GRM1: variants seen among roughly 807,000 people sequenced by gnomAD.
The protein encoded by GRM1 is glutamate metabotropic receptor 1.
In GRM1, 33 loss-of-function variants were observed where a neutral mutation model predicts 90.9. The ratio of observed to expected loss-of-function variants is 0.36; its 90% CI spans 0.28 to 0.49. The LOEUF (loss-of-function observed/expected upper bound fraction) is 0.49. Ranked by LOEUF, GRM1 falls within the 20% of genes least tolerant of loss-of-function variation. GRM1 has a pLI of 0.99. For missense variants in GRM1, 1,190 were observed against 1,534.3 expected, an observed-to-expected ratio of 0.78 and a Z score of 3.75; for synonymous variants, 700 against 613.2, an observed-to-expected ratio of 1.14 and a Z score of -2.09.
At chr6:146,072,618 G>C (rs982341178) in intron 1 of GRM1, among the ~76,000 whole-genome samples, 1 of 152,082 alleles carries the variant, frequency 6.6e-6, no homozygotes, top group African/African-American at 2.4e-5. Flanking sequence ...AGGTCAAATG[G>C]CATATATAGC....
intron 1 of GRM1, among the ~76,000 whole-genome samples, chr6:146,143,125 A>T (rs1776951063): frequency 1.3e-5 from 2 of 152,050 alleles, no homozygotes; most frequent in Admixed American, 6.5e-5. Context: ...ATCCTCCAGG[A>T]CTGGGTCCTT....
At chr6:146,335,123 C>G (rs969376070) in intron 3 of GRM1, among the ~76,000 whole-genome samples, 5 of 152,150 alleles carry the variant, frequency 3.3e-5, no homozygotes, top group African/African-American at 4.8e-5. Flanking sequence ...AGAAACCCTT[C>G]CCGTTGACTG....
intron 1 of GRM1, among the ~76,000 whole-genome samples, chr6:146,051,928 G>A (rs1463331886): frequency 6.6e-6 from 1 of 152,024 alleles, no homozygotes; most frequent in East Asian, 1.9e-4. Flanking sequence ...GCAAAGGGTG[G>A]TGGAGGCTGA....
At chr6:146,406,376 C>G (rs1777347852) in intron 7 of GRM1, among the ~76,000 whole-genome samples, 1 of 152,074 alleles carries the variant, frequency 6.6e-6, no homozygotes, top group Non-Finnish European at 1.5e-5. Flanking sequence ...AAAATAAACC[C>G]CATCCTACTG....
chr6:146,278,816 A>C (rs1782465532), intron 2 of GRM1, among the ~76,000 whole-genome samples: 1 of 152,114 alleles, frequency 6.6e-6, no homozygotes, highest in Non-Finnish European at 1.5e-5. Context: ...TCTTCCTTAA[A>C]TATTTAATGG....
At chr6:146,287,547 G>T (rs1439745953) in intron 2 of GRM1, among the ~76,000 whole-genome samples, 1 of 152,110 alleles carries the variant, frequency 6.6e-6, no homozygotes, top group Admixed American at 6.6e-5. Context: ...GAGATTTTAT[G>T]TTGGCCTTTT....
At chr6:146,077,049 G>C (rs1356612089) in intron 1 of GRM1, among the ~76,000 whole-genome samples, 1 of 152,068 alleles carries the variant, frequency 6.6e-6, no homozygotes, top group African/African-American at 2.4e-5. Context: ...CTGATAGTAG[G>C]ATATTTCGTT....
intron 2 of GRM1, among the ~76,000 whole-genome samples, chr6:146,280,455 T>A (rs1161949077): frequency 1.3e-5 from 2 of 152,208 alleles, no homozygotes; most frequent in African/African-American, 2.4e-5. Flanking sequence ...AGTTTGCTAA[T>A]ATAACCTAGT....
intron 3 of GRM1, among the ~76,000 whole-genome samples, chr6:146,347,481 A>G (rs575734858): frequency 3.3e-5 from 5 of 152,352 alleles, no homozygotes; most frequent in Admixed American, 2.6e-4. Flanking sequence ...TAGAATTAAT[A>G]TGTACATTTA....
intron 2 of GRM1, among the ~76,000 whole-genome samples, chr6:146,288,765 C>G (rs763332120): frequency 3.3e-5 from 5 of 152,080 alleles, no homozygotes; most frequent in African/African-American, 4.8e-5. Context: ...CTCGGCCACC[C>G]AAAGTGCTGG....
At chr6:146,127,165 A>T (rs894549188) in intron 1 of GRM1, among the ~76,000 whole-genome samples, 4 of 152,160 alleles carry the variant, frequency 2.6e-5, no homozygotes, top group Non-Finnish European at 5.9e-5. Flanking sequence ...ACATTTTACA[A>T]ATTACATTAC....
chr6:146,340,447 C>G (rs774592386), intron 3 of GRM1: 7 of 152,304 alleles, frequency 4.6e-5, no homozygotes, highest in Non-Finnish European at 5.9e-5. Flanking sequence ...CCTGAATGCT[C>G]CCGATCTCGT....
In GRM1 at chr6:146,239,932, G is replaced by A. The variant is rs1011733787; in HGVS notation, c.951-64679G>A. Among the ~76,000 whole-genome samples, 3 of 152,044 alleles carry A rather than the reference G, an allele frequency of 2.0e-5. 1 individual carries two copies. Among genetic ancestry groups the A allele is most frequent in the Admixed American group, 2.0e-4 (3 of 15,250 alleles). ...GGCCGCAGAGGAGTGAGAACCACGA[G>A]GTCATGAGAAGAGCACAAGCTCTTG... On this transcript the variant is annotated intron_variant, in intron 2 of 7. Coordinates refer to ENST00000282753, the MANE Select transcript of GRM1 (RefSeq NM_001278064.2).
At position 146,155,231 on chromosome 6, in the gene GRM1, G is replaced by A. The variant is rs150177523; in HGVS notation, c.701-4117G>A. ...GGGAAACAGTGGGCCACCCATATAT[G>A]ATTGTGGTCCCACAATCATAATAAG... On this transcript the variant is annotated intron_variant, in intron 1 of 7. Transcript: ENST00000282753. Among the ~76,000 whole-genome samples, 417 of 152,274 alleles carry A rather than the reference G, an allele frequency of 2.7e-3. 3 individuals are homozygous for A. Among genetic ancestry groups the A allele is most frequent in the African/African-American group, 9.2e-3 (384 of 41,558 alleles).
At chr6:146,247,798 GTGTGTGTATA>G (rs1781120992) in intron 2 of GRM1, among the ~76,000 whole-genome samples, 1 of 143,838 alleles carries the variant, frequency 7.0e-6, no homozygotes, top group Admixed American at 7.0e-5. Context: ...GTGTGTGTGT[GTGTGTGTATA>G]TATATATATA....
At chr6:146,118,904 T>A (rs887638359) in intron 1 of GRM1, among the ~76,000 whole-genome samples, 1 of 152,242 alleles carries the variant, frequency 6.6e-6, no homozygotes, top group Non-Finnish European at 1.5e-5. Flanking sequence ...TAAACATACA[T>A]GTGCATGTGA....
chr6:146,194,344 T>C (rs953587286), intron 2 of GRM1, among the ~76,000 whole-genome samples: 3 of 152,086 alleles, frequency 2.0e-5, no homozygotes, highest in Non-Finnish European at 2.9e-5. Context: ...GATTCCAGAG[T>C]CTGTGTTACA....
At chr6:146,196,833 A>T (rs1190386394) in intron 2 of GRM1, among the ~76,000 whole-genome samples, 1 of 152,212 alleles carries the variant, frequency 6.6e-6, no homozygotes, top group Non-Finnish European at 1.5e-5. Context: ...GAAGGCAGAA[A>T]TATGATAGTG....
intron 2 of GRM1, among the ~76,000 whole-genome samples, chr6:146,291,128 A>T (rs963003788): frequency 6.6e-6 from 1 of 152,060 alleles, no homozygotes; most frequent in Non-Finnish European, 1.5e-5. Context: ...TCCTTCTCTG[A>T]TGTTAAAATT....
Sources: gnomAD v4.1 joint callset for allele counts (sites outside exome capture counted in the v4.1 genomes callset) on GRCh38, gnomAD v4.1.1 for gene constraint, MANE v1.5 for transcripts, NCBI Gene and HGNC (gene_info 2026-07-23, HGNC 2026-07-21) for gene names.